Variants in BCAR3 observed in about 807,000 individuals in gnomAD.
BCAR3 encodes BCAR3 adaptor protein, NSP family member.
In BCAR3, 37 loss-of-function variants were observed where a neutral mutation model predicts 80.1. That is an observed-to-expected ratio of 0.46 (90% CI 0.36 to 0.61). The LOEUF (loss-of-function observed/expected upper bound fraction) is 0.61, where lower values mean the gene tolerates loss of function less well. Ranked by LOEUF, BCAR3 falls within the 20% of genes least tolerant of loss-of-function variation. BCAR3 has a pLI of 0.00. For synonymous variants in BCAR3, 389 were observed against 418.9 expected (o/e 0.93, Z 0.87); for missense variants, 978 against 1,068.2 (o/e 0.92, Z 1.18).
At chr1:93,832,942 A>G (rs1654624812) in intron 2 of BCAR3, among the ~76,000 whole-genome samples, 1 of 151,758 alleles carries the variant, frequency 6.6e-6, no homozygotes, top group Admixed American at 6.6e-5. Context: ...CCCCACCTTA[A>G]TCCACAAGTA....
chr1:93,694,799 TC>T (rs1211519633), intron 3 of BCAR3, among the ~76,000 whole-genome samples: 1 of 152,210 alleles, frequency 6.6e-6, no homozygotes, highest in Non-Finnish European at 1.5e-5. Context: ...CCTGTTGTAA[TC>T]CACCAAACAC....
At chr1:93,731,385 G>A (rs187956909) in intron 2 of BCAR3, among the ~76,000 whole-genome samples, 14 of 152,312 alleles carry the variant, frequency 9.2e-5, no homozygotes, top group South Asian at 2.1e-4. Context: ...GGAATTTCCT[G>A]TACTATCTTT....
intron 3 of BCAR3, among the ~76,000 whole-genome samples, chr1:93,609,798 G>A (rs1018920876): frequency 6.6e-6 from 1 of 152,136 alleles, no homozygotes; most frequent in South Asian, 2.1e-4. Context: ...CACTTTGTGC[G>A]TGCTCCTCTC....
chr1:93,777,108 G>A (rs1051588572), intron 2 of BCAR3, among the ~76,000 whole-genome samples: 3 of 152,128 alleles, frequency 2.0e-5, no homozygotes, highest in African/African-American at 7.2e-5. Flanking sequence ...GAGGAATGCT[G>A]AGGATTGCTT....
chr1:93,831,116 T>C (rs1490607367), intron 2 of BCAR3, among the ~76,000 whole-genome samples: 1 of 152,136 alleles, frequency 6.6e-6, no homozygotes, highest in Non-Finnish European at 1.5e-5. Context: ...CCTGCCTGAT[T>C]ATTCGCCCAT....
At chr1:93,571,645 A>G (rs1280386600) in intron 9 of BCAR3, 25 bp downstream of exon 9, 2 of 1,611,214 alleles carry the variant, frequency 1.2e-6, no homozygotes, top group South Asian at 2.2e-5. Context: ...AACATTAAGT[A>G]CACATAAAGT....
Position 93,584,128 on chromosome 1 carries a change from T to C in BCAR3, c.930-7A>G. 6.2e-7 allele frequency: 1 copy of C among 1,612,544 alleles called. No individual in the cohort carries two copies. The highest frequency in any genetic ancestry group is 8.5e-7 in the Non-Finnish European group (1 of 1,178,832). ...ACCACTCTTTTCTTTGTTTCTGAAG[T>C]AAAAGACACATAGGATGGAAATGTG... On this transcript the variant is annotated splice_polypyrimidine_tract_variant and splice_region_variant and intron_variant, in intron 5 of 11. Coordinates refer to ENST00000260502, the MANE Select transcript of BCAR3 (RefSeq NM_003567.4).
intron 8 of BCAR3, among the ~76,000 whole-genome samples, chr1:93,572,865 C>G (rs1673274999): frequency 6.6e-6 from 1 of 152,226 alleles, no homozygotes; most frequent in African/African-American, 2.4e-5. Context: ...GTTGGTCGGT[C>G]TCTTGCTCTC....
Position 93,589,061 on chromosome 1 carries a change from C to T in BCAR3, c.845G>A (p.Arg282Lys). ...QAREGSLTKG[R>K]PDVAKRLSLT... ...GCTCAGCCTCTTGGCCACATCCGGC[C>T]TTCCCTTGGTGAGGCTGCCCTCCCG... The change falls in exon 5 of 12, where the codon AGG (arginine) becomes AAG (lysine). Residue 282 changes from arginine to lysine, a missense_variant. By Grantham distance (26) the Arg-to-Lys change is conservative. Transcript: ENST00000260502. 6.2e-7 allele frequency: 1 copy of T among 1,612,238 alleles called. No homozygotes were observed. Among genetic ancestry groups the T allele is most frequent in the Non-Finnish European group, 8.5e-7 (1 of 1,178,926 alleles).
intron 3 of BCAR3, among the ~76,000 whole-genome samples, chr1:93,624,142 A>G (rs1426042471): frequency 2.0e-5 from 3 of 152,206 alleles, no homozygotes; most frequent in Admixed American, 2.0e-4. Flanking sequence ...GCCAGGGGAA[A>G]GCACAAACAA....
At chr1:93,577,736 C>T (rs554945195) in intron 7 of BCAR3, among the ~76,000 whole-genome samples, 1 of 152,328 alleles carries the variant, frequency 6.6e-6, no homozygotes, top group East Asian at 1.9e-4. Context: ...CAGCTGCCCT[C>T]TGTCAGAGGT....
rs556704421 is a variant in BCAR3, at chr1:93,618,936, T to G, written c.357+23368A>C. Among the ~76,000 whole-genome samples, 605 of 150,720 alleles carry G rather than the reference T, an allele frequency of 4.0e-3. 2 individuals carry two copies. Among genetic ancestry groups the G allele is most frequent in the African/African-American group, 0.012 (493 of 40,888 alleles). On this transcript the variant is annotated intron_variant, in intron 3 of 11. Transcript: ENST00000260502. The stretch of plus-strand genomic sequence containing the variant: ...CCTGAAGCCGTGGGTTTTTTTTTTT[T>G]TTGTTTTTTTTTTTTTAATCTGAGA...
At chr1:93,585,931 A>G (rs151267530) in intron 5 of BCAR3, among the ~76,000 whole-genome samples, 130 of 152,248 alleles carry the variant, frequency 8.5e-4, no homozygotes, top group African/African-American at 3.0e-3. Context: ...AATTTTGTGC[A>G]TACATAGTAG....
At chr1:93,846,731 C>T in intron 1 of BCAR3, 1 of 374,736 alleles carries the variant, frequency 2.7e-6, no homozygotes, top group Non-Finnish European at 5.3e-6. Flanking sequence ...TCCGCCCACG[C>T]AGTCGCGGGC....
intron 3 of BCAR3, among the ~76,000 whole-genome samples, chr1:93,611,332 TTACATTCAACACCCATTC>T (rs2101879152): frequency 6.6e-6 from 1 of 152,336 alleles, no homozygotes; most frequent in East Asian, 1.9e-4. Flanking sequence ...TGCATGGACT[TTACATTCAACACCCATTC>T]TACATTCAAC....
In BCAR3 at chr1:93,582,889, G is replaced by C; in HGVS notation, c.1098C>G (p.Phe366Leu). Residue 366 changes from phenylalanine to leucine, a missense_variant, in exon 7 of 12, where the codon TTC becomes TTG. Coordinates refer to ENST00000260502, the MANE Select transcript of BCAR3 (RefSeq NM_003567.4). The stretch of plus-strand genomic sequence containing the variant: ...TCAGGGCAGGCTCGCTTCCCGTCCT[G>C]AACACAGGTGAGTTTGGGCAGGGGC... ...DTSPCPNSPVFRTGSEPALSP... is the reference protein window; with the variant it reads ...DTSPCPNSPVLRTGSEPALSP... 6.2e-7 allele frequency: 1 copy of C among 1,609,020 alleles called. No individual in the cohort carries two copies. Among genetic ancestry groups the C allele is most frequent in the Non-Finnish European group, 8.5e-7 (1 of 1,179,872 alleles).
At chr1:93,655,089 T>C (rs1484808121) in intron 2 of BCAR3, among the ~76,000 whole-genome samples, 2 of 152,140 alleles carry the variant, frequency 1.3e-5, no homozygotes, top group Non-Finnish European at 2.9e-5. Flanking sequence ...AGCGCAGCGT[T>C]CGGGGCAGCA....
chr1:93,727,574 C>T (rs866242722), intron 2 of BCAR3, among the ~76,000 whole-genome samples: 13 of 152,294 alleles, frequency 8.5e-5, no homozygotes, highest in Non-Finnish European at 1.5e-4. Flanking sequence ...CCTCCACTCA[C>T]GAGGCAGGTA....
intron 2 of BCAR3, among the ~76,000 whole-genome samples, chr1:93,785,757 T>G (rs1652914513): frequency 6.6e-6 from 1 of 152,238 alleles, no homozygotes; most frequent in Admixed American, 6.5e-5. Flanking sequence ...ATCCACATGC[T>G]ATTTTTATAA....
Sources: allele counts gnomAD v4.1 joint callset (sites outside exome capture counted in the v4.1 genomes callset), GRCh38; gene constraint gnomAD v4.1.1; transcripts MANE v1.5; gene names NCBI Gene and HGNC (gene_info 2026-07-23, HGNC 2026-07-21).